Variants in ADRA1D observed in about 807,000 individuals in gnomAD.
The protein encoded by ADRA1D is adrenoceptor alpha 1D, also known as alpha-1D adrenergic receptor.
A neutral mutation model predicts 18.6 loss-of-function variants in ADRA1D; 22 were observed. The observed-to-expected ratio is 1.19, with a 90% CI of 0.85 to 1.69. The LOEUF is 1.69. Ranked by LOEUF, ADRA1D falls within the 40% of genes most tolerant of loss-of-function variation. The pLI is 0.00. For synonymous variants in ADRA1D, 376 were observed against 388.2 expected (o/e 0.97, Z 0.37); for missense variants, 840 against 840.7 (o/e 1.00, Z 0.01).
intron 1 of ADRA1D, among the ~76,000 whole-genome samples, chr20:4,237,459 G>GGAA (rs1555821573): frequency 2.9e-5 from 4 of 136,760 alleles, no homozygotes; most frequent in African/African-American, 1.1e-4. Context: ...TCCATCTCTT[G>GGAA]AAAAAAAAAA....
At chr20:4,238,600 C>G (rs987045486) in intron 1 of ADRA1D, among the ~76,000 whole-genome samples, 1 of 152,186 alleles carries the variant, frequency 6.6e-6, no homozygotes, top group East Asian at 1.9e-4. Flanking sequence ...ACCCTGAGGG[C>G]TGCCTCGAGG....
chr20:4,237,439 T>C, intron 1 of ADRA1D, among the ~76,000 whole-genome samples: 1 of 145,416 alleles, frequency 6.9e-6, no homozygotes, highest in African/African-American at 2.5e-5. Flanking sequence ...ATTATTCTGC[T>C]CTGAGAGACT....
Position 4,248,465 on chromosome 20 carries a change from C to T in ADRA1D, c.493G>A (p.Gly165Ser). 2.5e-6 allele frequency: 4 copies of T among 1,613,110 alleles called. No individual in the cohort carries two copies. Among genetic ancestry groups the T allele is most frequent in the Non-Finnish European group, 2.5e-6 (3 of 1,179,646 alleles). Reference protein sequence around the residue: ...TMEVLGFWAFGRAFCDVWAAV... With the variant: ...TMEVLGFWAFSRAFCDVWAAV... ...GCCCATACGTCGCAGAAGGCGCGGCCAAAGGCCCAGAAGCCCAGAACCTCC... is the reference window on the plus strand; with the variant it reads ...GCCCATACGTCGCAGAAGGCGCGGCTAAAGGCCCAGAAGCCCAGAACCTCC... Residue 165 changes from glycine (G) to serine (S), a missense_variant, in exon 1 of 2, where the codon GGC (glycine) becomes AGC (serine). By Grantham distance (56) the Gly-to-Ser change is moderately conservative. Coordinates refer to ENST00000379453, the MANE Select transcript of ADRA1D (RefSeq NM_000678.4).
chr20:4,242,499 G>A (rs149258274), intron 1 of ADRA1D, among the ~76,000 whole-genome samples: 1 of 152,324 alleles, frequency 6.6e-6, no homozygotes, highest in African/African-American at 2.4e-5. Context: ...AAAAGTACAT[G>A]CAGAGTGTTT....
At chr20:4,242,874 GTT>G (rs1981249385) in intron 1 of ADRA1D, among the ~76,000 whole-genome samples, 2 of 151,820 alleles carry the variant, frequency 1.3e-5, no homozygotes, top group Admixed American at 1.3e-4. Flanking sequence ...GTGTGTGTGT[GTT>G]TGTGTGTGTA....
At position 4,221,528 on chromosome 20, in the gene ADRA1D, T is replaced by C. The variant is rs377667322; in HGVS notation, c.1714A>G (p.Ile572Val). The change falls in exon 2 of 2, where the codon ATT becomes GTT. Residue 572 changes from isoleucine to valine, a missense_variant. Physicochemically the swap from Ile to Val is conservative, Grantham distance 29. Coordinates refer to ENST00000379453, the MANE Select transcript of ADRA1D (RefSeq NM_000678.4). ...GCGGCCTAGCTCTGGGGTCCTTAAA[T>C]ATCGGTCTCCCGTAGGTTGCTGTAG... ...ADYSNLRETD[I>V] The C allele has an allele frequency of 1.2e-6, 2 of 1,601,550 alleles. No homozygotes were observed. The highest frequency in any genetic ancestry group is 2.7e-5 in the African/African-American group (2 of 74,680).
chr20:4,236,454 A>AC (rs1392665863), intron 1 of ADRA1D, among the ~76,000 whole-genome samples: 1 of 152,120 alleles, frequency 6.6e-6, no homozygotes, highest in African/African-American at 2.4e-5. Flanking sequence ...AGGAACTGAG[A>AC]CTGATGCTCA....
chr20:4,221,956 G>GGGCGGC lies in ADRA1D; in HGVS notation c.1280_1285dup (p.Arg427_Arg428dup), dbSNP rs750926930. 5 of 1,547,344 alleles carry GGGCGGC rather than the reference G, an allele frequency of 3.2e-6. No individual in the cohort carries two copies. The African/African-American group carries it at 4.1e-5, about 13-fold the overall frequency. ...GTGGTGGCCGTAGACACGCCAGAGA[G>GGGCGGC]GGCGGCGGCGCCGGCGACGACGGCA... is the stretch of plus-strand genomic sequence containing the variant. On this transcript the variant is annotated inframe_insertion, in exon 2 of 2. Transcript: ENST00000379453.
At chr20:4,233,107 G>C (rs1422854293) in intron 1 of ADRA1D, among the ~76,000 whole-genome samples, 1 of 152,018 alleles carries the variant, frequency 6.6e-6, no homozygotes. Context: ...TTCAAACCCA[G>C]CCTGGGCAAT....
intron 1 of ADRA1D, among the ~76,000 whole-genome samples, chr20:4,230,364 C>T (rs1980925071): frequency 6.6e-6 from 1 of 152,228 alleles, no homozygotes; most frequent in African/African-American, 2.4e-5. Flanking sequence ...GTGCATAACA[C>T]TTGCTGAGTT....
intron 1 of ADRA1D, among the ~76,000 whole-genome samples, chr20:4,240,794 AAAAC>A (rs1202540723): frequency 2.6e-5 from 4 of 152,166 alleles, no homozygotes; most frequent in Admixed American, 6.5e-5. Context: ...TCCATCTCAA[AAAAC>A]AAACAAACAA....
intron 1 of ADRA1D, among the ~76,000 whole-genome samples, chr20:4,230,187 A>T (rs1315177048): frequency 2.0e-5 from 3 of 152,128 alleles, no homozygotes; most frequent in Admixed American, 2.0e-4. Flanking sequence ...TTGCTCTGTT[A>T]TGCCTCATGG....
intron 1 of ADRA1D, among the ~76,000 whole-genome samples, chr20:4,243,415 A>G (rs1472770139): frequency 6.6e-6 from 1 of 152,080 alleles, no homozygotes; most frequent in African/African-American, 2.4e-5. Flanking sequence ...TTTCCGTGGC[A>G]CCCAGCCCGC....
chr20:4,240,278 G>A (rs1027042415), intron 1 of ADRA1D, among the ~76,000 whole-genome samples: 1 of 152,154 alleles, frequency 6.6e-6, no homozygotes, highest in South Asian at 2.1e-4. Context: ...CATATGCAAC[G>A]TGTGCTCCTT....
rs757702323 is a variant in ADRA1D at position 4,221,831 on chromosome 20, C to A, written c.1411G>T (p.Asp471Tyr). ...TCGGGCGTGCCTGGGGGTTCGGGGT[C>A]GGGGTCGGGGAGCGCGGTGAGGGCC... ...PLALTALPDP[D>Y]PEPPGTPEMQ... The change falls in exon 2 of 2, where the codon GAC becomes TAC. Residue 471 changes from aspartate to tyrosine, a missense_variant. Coordinates refer to ENST00000379453, the MANE Select transcript of ADRA1D (RefSeq NM_000678.4). 4 of 565,902 alleles carry A rather than the reference C, an allele frequency of 7.1e-6. No individual in the cohort carries two copies. Among genetic ancestry groups the A allele is most frequent in the African/African-American group, 4.4e-5 (2 of 45,108 alleles). 35.1% of individuals were successfully genotyped at this position (565,902 alleles called of 1,614,324 possible). A position where few individuals can be genotyped will look rare whatever the true frequency, so the allele number is the denominator to read the frequency against.
chr20:4,225,340 G>GGAATTTTGT lies in ADRA1D; in HGVS notation c.1112-3219_1112-3211dup, dbSNP rs564976379. Among the ~76,000 whole-genome samples the GGAATTTTGT allele has an allele frequency of 1.3e-4, 20 of 150,970 alleles. No homozygotes were observed. The East Asian group carries it at 3.7e-3, about 28-fold the overall frequency. ...TCCTTTTAATATTATTTTTCTAGAA[G>GGAATTTTGT]GAATTTTGTGAAGATTCATATATTT... On this transcript the variant is annotated intron_variant, in intron 1 of 1. Coordinates refer to ENST00000379453, the MANE Select transcript of ADRA1D (RefSeq NM_000678.4).
At chr20:4,236,719 C>G (rs541016722) in intron 1 of ADRA1D, among the ~76,000 whole-genome samples, 7 of 152,180 alleles carry the variant, frequency 4.6e-5, no homozygotes, top group Non-Finnish European at 1.0e-4. Flanking sequence ...AAAGTAATGA[C>G]AAGACTCCTC....
chr20:4,221,462 C>A lies in ADRA1D; in HGVS notation c.*61G>T. 1.3e-6 allele frequency: 2 copies of A among 1,518,532 alleles called. No individual in the cohort carries two copies. The highest frequency in any genetic ancestry group is 1.8e-6 in the Non-Finnish European group (2 of 1,125,688). The allele number at this position is 1,518,532 out of a possible 1,614,324, so 94.1% of individuals were successfully genotyped here. A position where few individuals can be genotyped will look rare whatever the true frequency, so the allele number is the denominator to read the frequency against. ...CACGGGGGCTCTTAGAACACCAGCCCGCCTCTCTGGTCCCCCTTACCCCCA... is the reference window on the plus strand; with the variant it reads ...CACGGGGGCTCTTAGAACACCAGCCAGCCTCTCTGGTCCCCCTTACCCCCA... On this transcript the variant is annotated 3_prime_UTR_variant, in exon 2 of 2. Coordinates refer to ENST00000379453, the MANE Select transcript of ADRA1D (RefSeq NM_000678.4).
chr20:4,227,772 CTT>C (rs1273069468), intron 1 of ADRA1D, among the ~76,000 whole-genome samples: 1 of 116,246 alleles, frequency 8.6e-6, no homozygotes, highest in South Asian at 2.8e-4. Context: ...TCTTTCTTCT[CTT>C]TCTTTCTTTT....
Sources: gnomAD v4.1 joint callset for allele counts (sites outside exome capture counted in the v4.1 genomes callset) on GRCh38, gnomAD v4.1.1 for gene constraint, MANE v1.5 for transcripts, NCBI Gene and HGNC (gene_info 2026-07-23, HGNC 2026-07-21) for gene names.